The following RSRC1 variants were observed in gnomAD, a reference collection of about 807,000 sequenced individuals.
RSRC1 encodes the protein arginine and serine rich coiled-coil 1.
RSRC1 carries 39 observed loss-of-function variants against 49.1 expected under a neutral mutation model. The observed-to-expected ratio is 0.79, with a 90% CI of 0.61 to 1.04. RSRC1 has a LOEUF of 1.04. Among genes scored for constraint, RSRC1 ranks in the 50% least tolerant of loss-of-function variants. The probability of loss-of-function intolerance (pLI) is 0.00; values close to 1 mark genes in which losing one functional copy is unlikely to be tolerated. For synonymous variants in RSRC1, 143 were observed against 130.8 expected (o/e 1.09, Z -0.63); for missense variants, 388 against 402.4 (o/e 0.96, Z 0.31).
intron 4 of RSRC1, among the ~76,000 whole-genome samples, chr3:158,291,884 T>G (rs1231177699): frequency 1.3e-5 from 2 of 152,214 alleles, no homozygotes; most frequent in Non-Finnish European, 2.9e-5. Flanking sequence ...TGTTTACAAA[T>G]TTCTTAAGAG....
At chr3:158,363,884 A>G in intron 6 of RSRC1, among the ~76,000 whole-genome samples, 1 of 152,218 alleles carries the variant, frequency 6.6e-6, no homozygotes, top group Non-Finnish European at 1.5e-5. Context: ...TAGCTATGGA[A>G]GTGAATTTTA....
intron 4 of RSRC1, among the ~76,000 whole-genome samples, chr3:158,252,465 G>A (rs942050793): frequency 7.9e-5 from 12 of 152,030 alleles, no homozygotes; most frequent in African/African-American, 2.9e-4. Flanking sequence ...ACGCCCGGCC[G>A]ATGAATGTGT....
At chr3:158,327,066 G>A (rs187896667) in intron 5 of RSRC1, among the ~76,000 whole-genome samples, 6 of 152,162 alleles carry the variant, frequency 3.9e-5, no homozygotes, top group Non-Finnish European at 8.8e-5. Context: ...CTGTGGGATC[G>A]GTGGTATATA....
chr3:158,513,465 C>T (rs569303542), intron 7 of RSRC1, among the ~76,000 whole-genome samples: 3 of 152,200 alleles, frequency 2.0e-5, no homozygotes, highest in African/African-American at 7.2e-5. Flanking sequence ...AGGGATGAAG[C>T]CCACTTGATC....
intron 6 of RSRC1, among the ~76,000 whole-genome samples, chr3:158,451,890 A>C (rs1737062517): frequency 6.6e-6 from 1 of 152,114 alleles, no homozygotes; most frequent in Non-Finnish European, 1.5e-5. Context: ...ATGTTTCCCC[A>C]GTCCCAAAGG....
At chr3:158,212,291 G>A (rs1472085462) in intron 4 of RSRC1, among the ~76,000 whole-genome samples, 3 of 151,102 alleles carry the variant, frequency 2.0e-5, no homozygotes, top group Admixed American at 6.6e-5. Flanking sequence ...CAACTTTTTT[G>A]TACTACCCCA....
At chr3:158,323,460 T>G (rs1728879144) in intron 5 of RSRC1, among the ~76,000 whole-genome samples, 1 of 152,202 alleles carries the variant, frequency 6.6e-6, no homozygotes, top group South Asian at 2.1e-4. Flanking sequence ...CTTCAAGATC[T>G]TCCGCACACA....
chr3:158,445,309 A>G (rs1394466123), intron 6 of RSRC1, among the ~76,000 whole-genome samples: 2 of 152,124 alleles, frequency 1.3e-5, no homozygotes, highest in South Asian at 2.1e-4. Flanking sequence ...ACACCCCATG[A>G]AATACTATGC....
In RSRC1 at chr3:158,543,451, C is replaced by G; in HGVS notation, c.876C>G (p.Ile292Met). 2 of 1,610,724 alleles carry G rather than the reference C, an allele frequency of 1.2e-6. No individual in the cohort carries two copies. Among genetic ancestry groups the G allele is most frequent in the Non-Finnish European group, 1.7e-6 (2 of 1,178,494 alleles). Residue 292 changes from isoleucine to methionine, a missense_variant, in exon 9 of 10, where the codon ATC becomes ATG. Coordinates refer to ENST00000611884, the MANE Select transcript of RSRC1 (RefSeq NM_001271838.2). ...ATCCTACCAGCATCCCTACTGCTATCAAGTACCAAGATGACAATTCCCTGG... is the reference window on the plus strand; with the variant it reads ...ATCCTACCAGCATCCCTACTGCTATGAAGTACCAAGATGACAATTCCCTGG... ...EIDPTSIPTA[I>M]KYQDDNSLAH...
chr3:158,139,074 C>A (rs1266615934), intron 3 of RSRC1, among the ~76,000 whole-genome samples: 3 of 152,032 alleles, frequency 2.0e-5, no homozygotes, highest in Non-Finnish European at 2.9e-5. Flanking sequence ...ATGACATTTT[C>A]TTCTAGTACT....
At chr3:158,225,593 T>C (rs1722485022) in intron 4 of RSRC1, 1 of 378,252 alleles carries the variant, frequency 2.6e-6, no homozygotes, top group South Asian at 2.0e-5. Context: ...TTAAAAGTTA[T>C]AAAGACGGAT....
At chr3:158,456,555 A>G (rs1387141282) in intron 6 of RSRC1, among the ~76,000 whole-genome samples, 2 of 152,182 alleles carry the variant, frequency 1.3e-5, no homozygotes, top group Non-Finnish European at 2.9e-5. Context: ...CATCCCATAA[A>G]GAGGGTATTA....
At chr3:158,306,010 CAA>C (rs1727817632) in intron 5 of RSRC1, among the ~76,000 whole-genome samples, 1 of 151,948 alleles carries the variant, frequency 6.6e-6, no homozygotes, top group African/African-American at 2.4e-5. Context: ...TAGATAAAAA[CAA>C]TATCTTAATT....
chr3:158,526,082 T>C (rs947342515), intron 7 of RSRC1, among the ~76,000 whole-genome samples: 14 of 152,014 alleles, frequency 9.2e-5, no homozygotes, highest in Admixed American at 8.5e-4. Context: ...AAGTATTTGG[T>C]GGTTTCTTTA....
intron 3 of RSRC1, among the ~76,000 whole-genome samples, chr3:158,174,050 C>G (rs1719051576): frequency 6.6e-6 from 1 of 151,598 alleles, no homozygotes; most frequent in South Asian, 2.1e-4. Flanking sequence ...GGTAAATTTA[C>G]TAAAAAGTCA....
At chr3:158,363,622 A>G (rs907402216) in intron 6 of RSRC1, among the ~76,000 whole-genome samples, 17 of 152,178 alleles carry the variant, frequency 1.1e-4, no homozygotes, top group South Asian at 2.1e-4. Flanking sequence ...CAGAAAGGCA[A>G]TAGATAATAT....
intron 6 of RSRC1, among the ~76,000 whole-genome samples, chr3:158,419,758 CTT>C (rs1319622115): frequency 6.7e-6 from 1 of 150,030 alleles, no homozygotes; most frequent in Non-Finnish European, 1.5e-5. Flanking sequence ...ACAGGATAGA[CTT>C]TTTTTATTCT....
chr3:158,214,560 T>C (rs1183867543), intron 4 of RSRC1, among the ~76,000 whole-genome samples: 1 of 151,848 alleles, frequency 6.6e-6, no homozygotes, highest in Non-Finnish European at 1.5e-5. Flanking sequence ...TACAAGTGTT[T>C]AGTGATATAA....
chr3:158,350,208 G>A lies in RSRC1; in HGVS notation c.532-4649G>A, dbSNP rs1190510728. Among the ~76,000 whole-genome samples, 3 of 130,062 alleles carry A rather than the reference G, an allele frequency of 2.3e-5. 1 individual carries two copies. Among genetic ancestry groups the A allele is most frequent in the African/African-American group, 8.7e-5 (3 of 34,424 alleles). The allele number at this position is 130,062 out of a possible 152,430, so 85.3% of individuals were successfully genotyped here. ...TTTTTTTTTTTTTGAGAAAAGGTCTGGCTCTATCACCCAGGCTGGAGTACA... is the reference window on the plus strand; with the variant it reads ...TTTTTTTTTTTTTGAGAAAAGGTCTAGCTCTATCACCCAGGCTGGAGTACA... On this transcript the variant is annotated intron_variant, in intron 5 of 9. Coordinates refer to ENST00000611884, the MANE Select transcript of RSRC1 (RefSeq NM_001271838.2).
Sources: allele counts gnomAD v4.1 joint callset (sites outside exome capture counted in the v4.1 genomes callset), GRCh38; gene constraint gnomAD v4.1.1; transcripts MANE v1.5; gene names NCBI Gene and HGNC (gene_info 2026-07-23, HGNC 2026-07-21).